RPS6KA2: variants seen among roughly 807,000 people sequenced by gnomAD.
RPS6KA2 encodes the protein ribosomal protein S6 kinase alpha-2.
A neutral mutation model predicts 91.8 loss-of-function variants in RPS6KA2; 42 were observed. That is an observed-to-expected ratio of 0.46 (90% CI 0.36 to 0.59). The LOEUF (loss-of-function observed/expected upper bound fraction) is 0.59. RPS6KA2 is among the 20% of genes least tolerant of loss of function. The pLI is 0.00. For synonymous variants in RPS6KA2, 414 were observed against 393.6 expected, an observed-to-expected ratio of 1.05 and a Z score of -0.61; for missense variants, 798 against 978.5, an observed-to-expected ratio of 0.82 and a Z score of 2.46.
At chr6:166,534,005 G>A (rs923923937) in intron 2 of RPS6KA2, among the ~76,000 whole-genome samples, 12 of 152,014 alleles carry the variant, frequency 7.9e-5, no homozygotes, top group African/African-American at 2.2e-4. Flanking sequence ...GGCGGATCAC[G>A]AGGTCAGGAG....
In RPS6KA2 at chr6:166,563,972, T is replaced by G. The variant is rs1320765003; in HGVS notation, c.100-25188A>C. Among the ~76,000 whole-genome samples, 1 of 152,126 alleles carries G rather than the reference T, an allele frequency of 6.6e-6. No individual in the cohort carries two copies. The highest frequency in any genetic ancestry group is 1.5e-5 in the Non-Finnish European group (1 of 68,028). On this transcript the variant is annotated intron_variant, in intron 1 of 20. Transcript: ENST00000265678. The surrounding 1 kb of genome is among the most constrained non-coding windows in gnomAD (Gnocchi z 4.1). ...TCTCAGCATGAAGAAATGGCAGATG[T>G]CAGATGTCAGCGCTGCCAATGTTTC...
At chr6:166,555,136 T>G (rs1006736865) in intron 1 of RPS6KA2, among the ~76,000 whole-genome samples, 3 of 152,174 alleles carry the variant, frequency 2.0e-5, no homozygotes, top group African/African-American at 4.8e-5. Context: ...GGTTTTACAA[T>G]GGGAAAGGGA....
Position 166,668,987 on chromosome 6 carries a change from C to T in RPS6KA2, c.124-130203G>A, listed in dbSNP as rs543383279. Among the ~76,000 whole-genome samples the T allele has an allele frequency of 3.3e-5, 5 of 151,678 alleles. No individual in the cohort carries two copies. In the East Asian group the frequency reaches 9.7e-4, roughly 29 times the overall value. ...CTCCCTGTAGCCTCGACCTCCCAGG[C>T]TCAAGTGATCCTCCCACCTCAGCCT... On this transcript the variant is annotated intron_variant, in intron 2 of 21. Transcript: ENST00000503859.
At chr6:166,829,008 C>T (rs1780113412) in intron 2 of RPS6KA2, among the ~76,000 whole-genome samples, 1 of 152,054 alleles carries the variant, frequency 6.6e-6, no homozygotes, top group African/African-American at 2.4e-5. Flanking sequence ...ACCAAATAAC[C>T]CAATTAAAAA....
At chr6:166,705,857 C>G (rs144482996) in intron 2 of RPS6KA2, among the ~76,000 whole-genome samples, 105 of 152,276 alleles carry the variant, frequency 6.9e-4, no homozygotes, top group Middle Eastern at 6.8e-3. Context: ...ATGTTGAAAT[C>G]TAATCCCAAG....
Position 166,767,854 on chromosome 6 carries a change from G to A in RPS6KA2, c.123+90346C>T, listed in dbSNP as rs375094423. ...CAGCCGGCCACCACAGAGTGTGTGC[G>A]GGGATTGCTAACCATGGCAGAGCCT... is the stretch of plus-strand genomic sequence containing the variant. On this transcript the variant is annotated intron_variant, in intron 2 of 21. Coordinates refer to the RPS6KA2 transcript ENST00000503859. This position sits in a 1 kb window ranked among gnomAD's most constrained non-coding sequence, Gnocchi z 4.6. Among the ~76,000 whole-genome samples the A allele has an allele frequency of 1.3e-5, 2 of 151,930 alleles. No homozygotes were observed. Among genetic ancestry groups the A allele is most frequent in the Non-Finnish European group, 2.9e-5 (2 of 67,994 alleles).
chr6:166,553,279 C>T lies in RPS6KA2; in HGVS notation c.100-14495G>A, dbSNP rs571737722. On this transcript the variant is annotated intron_variant, in intron 1 of 20. Transcript: ENST00000265678. Reference sequence around the variant, plus strand: ...GGCAACAGGTAAGTGACACCATGCCCGGCTAATTTTCTTTGTATTTTTTTG... The same window carrying T: ...GGCAACAGGTAAGTGACACCATGCCTGGCTAATTTTCTTTGTATTTTTTTG... Among the ~76,000 whole-genome samples the T allele has an allele frequency of 1.3e-4, 20 of 152,106 alleles. No homozygotes were observed. In the South Asian group the frequency reaches 2.7e-3, roughly 21 times the overall value.
chr6:166,598,941 C>T (rs368648845), intron 1 of RPS6KA2, among the ~76,000 whole-genome samples: 10 of 152,228 alleles, frequency 6.6e-5, no homozygotes, highest in African/African-American at 2.2e-4. Context: ...GTGGGGTGTC[C>T]GATGCCCAGG....
chr6:166,795,368 T>C (rs1252390559), intron 2 of RPS6KA2, among the ~76,000 whole-genome samples: 5 of 152,136 alleles, frequency 3.3e-5, no homozygotes, highest in African/African-American at 9.7e-5. Flanking sequence ...ACAGAACACA[T>C]ACAAACACAA....
intron 2 of RPS6KA2, among the ~76,000 whole-genome samples, chr6:166,832,215 G>A (rs1478592783): frequency 2.6e-5 from 4 of 152,162 alleles, no homozygotes. Context: ...GAAGAAAGTG[G>A]CTGATGGTGT....
At chr6:166,839,698 GA>G (rs1332023151) in intron 2 of RPS6KA2, among the ~76,000 whole-genome samples, 8 of 122,410 alleles carry the variant, frequency 6.5e-5, no homozygotes, top group East Asian at 2.7e-4. Flanking sequence ...GAGAGGGGAG[GA>G]GAGGAGAGGA....
intron 2 of RPS6KA2, among the ~76,000 whole-genome samples, chr6:166,740,948 T>C (rs926344637): frequency 3.9e-5 from 6 of 152,212 alleles, no homozygotes; most frequent in Admixed American, 6.5e-5. Context: ...CAGAGGGTAA[T>C]TGGCAGTACC....
intron 2 of RPS6KA2, among the ~76,000 whole-genome samples, chr6:166,791,970 C>A (rs1259726233): frequency 2.0e-5 from 3 of 151,712 alleles, no homozygotes; most frequent in Non-Finnish European, 4.4e-5. Flanking sequence ...GAAGCAAGAG[C>A]AAACACATTC....
rs1394285604 is a variant in RPS6KA2 at position 166,538,733 on chromosome 6, A to G, written c.151T>C (p.Phe51Leu). The G allele has an allele frequency of 1.2e-6, 2 of 1,612,248 alleles. No individual in the cohort carries two copies. The highest frequency in any genetic ancestry group is 2.7e-5 in the African/African-American group (2 of 74,868). Residue 51 changes from phenylalanine to leucine, a missense_variant, in exon 2 of 21, where the codon TTT (phenylalanine) becomes CTT (leucine). Coordinates refer to ENST00000265678, the MANE Select transcript of RPS6KA2 (RefSeq NM_021135.6). ...AACTGGGAAGGATCTGCCTTCTCAA[A>G]GCCCTCCTTCACATGATGGCTGATG... ...IDISHHVKEG[F>L]EKADPSQFEL...
rs190212898 is a variant in RPS6KA2 at position 166,745,144 on chromosome 6, C to T, written c.123+113056G>A. Among the ~76,000 whole-genome samples the T allele has an allele frequency of 8.6e-3, 1,216 of 141,330 alleles. 24 individuals are homozygous for T. Among genetic ancestry groups the T allele is most frequent in the African/African-American group, 0.031 (1,140 of 36,766 alleles). The allele number at this position is 141,330 out of a possible 152,430, so 92.7% of individuals were successfully genotyped here. A position where few individuals can be genotyped will look rare whatever the true frequency, so the allele number is the denominator to read the frequency against. ...TCTCTGTGTGTGTCTGTGTCCTAAT[C>T]GGCCTTTTTTTTTTTTTTTTTTTTG... On this transcript the variant is annotated intron_variant, in intron 2 of 21. Transcript: ENST00000503859.
intron 2 of RPS6KA2, among the ~76,000 whole-genome samples, chr6:166,680,455 C>CT (rs1788759819): frequency 6.6e-6 from 1 of 152,112 alleles, no homozygotes; most frequent in Non-Finnish European, 1.5e-5. Flanking sequence ...TCCCCTTCCA[C>CT]GTTGTGGAAG....
Position 166,504,571 on chromosome 6 carries a change from C to T in RPS6KA2, c.501G>A (p.Glu167=). 6.2e-7 allele frequency: 1 copy of T among 1,613,950 alleles called. No homozygotes were observed. The highest frequency in any genetic ancestry group is 8.5e-7 in the Non-Finnish European group (1 of 1,179,908). Residue 167 remains glutamate, a synonymous_variant, in exon 6 of 21, where the codon GAG becomes GAA. Transcript: ENST00000265678. ...TEEDVKFYLA[E]LALALDHLHS... is the part of the protein sequence containing the mutation. ...GGAGATGGTCTAAAGCCAAGGCCAG[C>T]TCAGCCAGGTAGAACTTGACATCCT...
chr6:166,657,013 C>T (rs992506664), intron 2 of RPS6KA2, among the ~76,000 whole-genome samples: 11 of 152,116 alleles, frequency 7.2e-5, no homozygotes, highest in African/African-American at 2.4e-4. Context: ...AGAACCTGGT[C>T]GAGACCTTGA....
At chr6:166,480,934 G>C (rs903787855) in intron 10 of RPS6KA2, among the ~76,000 whole-genome samples, 1 of 152,096 alleles carries the variant, frequency 6.6e-6, no homozygotes, top group African/African-American at 2.4e-5. Context: ...CACAATGCCT[G>C]GCCAATTTTA....
Sources: gnomAD v4.1 joint callset for allele counts (sites outside exome capture counted in the v4.1 genomes callset) on GRCh38, gnomAD v4.1.1 for gene constraint, Gnocchi (gnomAD v3.1) non-coding constraint, MANE v1.5 for transcripts, NCBI Gene and HGNC (gene_info 2026-07-23, HGNC 2026-07-21) for gene names.